SDK2: variants seen among roughly 807,000 people sequenced by gnomAD.
The protein encoded by SDK2 is protein sidekick-2.
SDK2 carries 105 observed loss-of-function variants against 253.9 expected under a neutral mutation model. The observed-to-expected ratio is 0.41, with a 90% CI of 0.35 to 0.49. The LOEUF is 0.49. SDK2 is among the 20% of genes least tolerant of loss of function. The pLI is 0.06. For missense variants in SDK2, 2,608 were observed against 3,003.0 expected (o/e 0.87, Z 3.07); for synonymous variants, 1,249 against 1,234.9 (o/e 1.01, Z -0.24).
intron 2 of SDK2, among the ~76,000 whole-genome samples, chr17:73,505,216 G>C (rs2063925526): frequency 6.6e-6 from 1 of 152,164 alleles, no homozygotes; most frequent in African/African-American, 2.4e-5. Context: ...TTCAATGAGA[G>C]GCAGTGTGGT....
At position 73,500,850 on chromosome 17, in the gene SDK2, CTCCATTCTCCTCCA is replaced by C. The variant is rs796633267; in HGVS notation, c.224+6574_224+6587del. 3.6e-4 allele frequency among the ~76,000 whole-genome samples: 54 copies of C among 149,498 alleles called. No individual in the cohort carries two copies. In the South Asian group the frequency reaches 0.011, roughly 29 times the overall value. ...GTTCTCCATCCTCTGTCTATCCTCC[CTCCATTCTCCTCCA>C]TCCTCCATCCATCCTCCCTCCATCT... On this transcript the variant is annotated intron_variant, in intron 2 of 44. Transcript: ENST00000392650.
At chr17:73,591,627 A>T (rs1194623403) in intron 1 of SDK2, among the ~76,000 whole-genome samples, 3 of 152,174 alleles carry the variant, frequency 2.0e-5, no homozygotes, top group Non-Finnish European at 4.4e-5. Context: ...TGTTTATCTG[A>T]GGTCCAAATT....
intron 1 of SDK2, among the ~76,000 whole-genome samples, chr17:73,578,605 G>C (rs1166576642): frequency 1.3e-5 from 2 of 152,166 alleles, no homozygotes; most frequent in African/African-American, 4.8e-5. Context: ...TGGTTCTGCA[G>C]ACCAGGCCTG....
chr17:73,643,961 G>GCCCCCCCCCCCCCCC lies in SDK2; in HGVS notation c.64+63_64+64insGGGGGGGGGGGGGGG. 1 of 514,830 alleles carries GCCCCCCCCCCCCCCC rather than the reference G, an allele frequency of 1.9e-6. No individual in the cohort carries two copies. Among genetic ancestry groups the GCCCCCCCCCCCCCCC allele is most frequent in the Non-Finnish European group, 3.8e-6 (1 of 262,946 alleles). 31.9% of individuals were successfully genotyped at this position (514,830 alleles called of 1,614,324 possible). On this transcript the variant is annotated intron_variant, in intron 1 of 44. Coordinates refer to ENST00000392650, the MANE Select transcript of SDK2 (RefSeq NM_001144952.2). The surrounding 1 kb of genome is among the most constrained non-coding windows in gnomAD (Gnocchi z 6.9). Reference sequence around the variant, plus strand: ...GTCACCGTGAGGCCGGCCAGCTCCCGCCGCCCCTCCCCCGCCCACTCTCCC... The same window carrying GCCCCCCCCCCCCCCC: ...GTCACCGTGAGGCCGGCCAGCTCCCGCCCCCCCCCCCCCCCCCGCCCCTCCCCCGCCCACTCTCCC...
intron 12 of SDK2, among the ~76,000 whole-genome samples, chr17:73,428,379 A>G (rs972854418): frequency 3.9e-5 from 6 of 151,934 alleles, no homozygotes; most frequent in Non-Finnish European, 5.9e-5. Flanking sequence ...GTTTTTTTCT[A>G]GAACTATTTT....
At position 73,534,556 on chromosome 17, in the gene SDK2, G is replaced by A. The variant is rs2064198623; in HGVS notation, c.65-26959C>T. ...AGTAAAGTCACAAAAGGGAGGGATG[G>A]GAAGATGCACAGAGGCAGAGCGCGA... is the stretch of plus-strand genomic sequence containing the variant. On this transcript the variant is annotated intron_variant, in intron 1 of 44. Transcript: ENST00000392650. The surrounding 1 kb of genome is among the most constrained non-coding windows in gnomAD (Gnocchi z 4.9). Among the ~76,000 whole-genome samples, 1 of 152,164 alleles carries A rather than the reference G, an allele frequency of 6.6e-6. No homozygotes were observed. The highest frequency in any genetic ancestry group is 6.5e-5 in the Admixed American group (1 of 15,282).
rs376597566 is a variant in SDK2, at chr17:73,594,957, G to A, written c.64+49068C>T. ...ACACGTGCACACACACATACAACAGGCCTCACTACCTGCCTGCTTCACTCC... is the reference window on the plus strand; with the variant it reads ...ACACGTGCACACACACATACAACAGACCTCACTACCTGCCTGCTTCACTCC... On this transcript the variant is annotated intron_variant, in intron 1 of 44. Coordinates refer to ENST00000392650, the MANE Select transcript of SDK2 (RefSeq NM_001144952.2). Among the ~76,000 whole-genome samples the A allele has an allele frequency of 1.6e-4, 24 of 152,102 alleles. 1 individual carries two copies. In the South Asian group the frequency reaches 4.8e-3, roughly 30 times the overall value.
At chr17:73,578,949 C>G (rs1317413229) in intron 1 of SDK2, among the ~76,000 whole-genome samples, 2 of 152,160 alleles carry the variant, frequency 1.3e-5, no homozygotes, top group Non-Finnish European at 2.9e-5. Flanking sequence ...ACCAAGCTCC[C>G]CACATCACCA....
intron 33 of SDK2, among the ~76,000 whole-genome samples, chr17:73,382,455 A>C (rs2062838770): frequency 1.3e-5 from 2 of 152,184 alleles, no homozygotes; most frequent in Non-Finnish European, 2.9e-5. Flanking sequence ...GAACGCAAGC[A>C]CTTCAGACCC....
Position 73,481,790 on chromosome 17 carries a change from T to C in SDK2, c.225-9572A>G, listed in dbSNP as rs2063726195. Among the ~76,000 whole-genome samples, 1 of 152,180 alleles carries C rather than the reference T, an allele frequency of 6.6e-6. No individual in the cohort carries two copies. Among genetic ancestry groups the C allele is most frequent in the South Asian group, 2.1e-4 (1 of 4,812 alleles). On this transcript the variant is annotated intron_variant, in intron 2 of 44. Transcript: ENST00000392650. This position sits in a 1 kb window ranked among gnomAD's most constrained non-coding sequence, Gnocchi z 4.5. ...GACTTACACCCATGGGCTCTCGGTT[T>C]CCAGGCCTTTGGGCCCAGACTGAAT... is the stretch of plus-strand genomic sequence containing the variant.
chr17:73,573,094 C>A (rs1467677355), intron 1 of SDK2, among the ~76,000 whole-genome samples: 5 of 152,188 alleles, frequency 3.3e-5, no homozygotes, highest in African/African-American at 7.2e-5. Flanking sequence ...AGGCTGATGA[C>A]CTGCTCATAT....
intron 18 of SDK2, among the ~76,000 whole-genome samples, chr17:73,411,455 C>T (rs2063125004): frequency 6.6e-6 from 1 of 152,170 alleles, no homozygotes; most frequent in South Asian, 2.1e-4. Context: ...GACTGAAGCT[C>T]AGGGCCTGCA....
At chr17:73,464,553 C>T (rs1044355219) in intron 3 of SDK2, among the ~76,000 whole-genome samples, 1 of 152,246 alleles carries the variant, frequency 6.6e-6, no homozygotes, top group South Asian at 2.1e-4. Flanking sequence ...ATGCCGGGAT[C>T]TGTCCCCAAG....
intron 22 of SDK2, among the ~76,000 whole-genome samples, chr17:73,398,715 T>G (rs1039195870): frequency 3.9e-5 from 6 of 152,190 alleles, no homozygotes; most frequent in Non-Finnish European, 7.3e-5. Flanking sequence ...ATCCCTCGAG[T>G]GCTGCCCAGG....
chr17:73,382,156 G>T (rs767365640), intron 33 of SDK2, among the ~76,000 whole-genome samples: 1 of 151,068 alleles, frequency 6.6e-6, no homozygotes, highest in Non-Finnish European at 1.5e-5. Context: ...GGCGGAGGTT[G>T]CAGTGAGCTA....
chr17:73,563,410 C>T lies in SDK2; in HGVS notation c.65-55813G>A, dbSNP rs1201713844. On this transcript the variant is annotated intron_variant, in intron 1 of 44. Coordinates refer to ENST00000392650, the MANE Select transcript of SDK2 (RefSeq NM_001144952.2). Reference sequence around the variant, plus strand: ...GCAACACAGTGAGACCCCACCTCTACAAAAAATAAGATAAAAAATTAGCTG... The same window carrying T: ...GCAACACAGTGAGACCCCACCTCTATAAAAAATAAGATAAAAAATTAGCTG... 3.9e-5 allele frequency among the ~76,000 whole-genome samples: 6 copies of T among 152,146 alleles called. No individual in the cohort carries two copies. In the East Asian group the frequency reaches 1.2e-3, roughly 29 times the overall value.
intron 1 of SDK2, among the ~76,000 whole-genome samples, chr17:73,535,803 C>T (rs2044762676): frequency 6.6e-6 from 1 of 152,090 alleles, no homozygotes; most frequent in Non-Finnish European, 1.5e-5. Flanking sequence ...TGATTAGGAA[C>T]CTGGGTGAGG....
chr17:73,447,632 A>C lies in SDK2; in HGVS notation c.596T>G (p.Ile199Ser). 1 of 1,551,876 alleles carries C rather than the reference A, an allele frequency of 6.4e-7. No individual in the cohort carries two copies. Among genetic ancestry groups the C allele is most frequent in the East Asian group, 2.4e-5 (1 of 40,910 alleles). Residue 199 changes from isoleucine (I) to serine (S), a missense_variant, in exon 5 of 45, where the codon ATC becomes AGC. By Grantham distance (142) the Ile-to-Ser change is moderately radical. Around this residue, in one of 2 missense-constraint regions of SDK2, gnomAD observed 1,505 missense variants for 1,859.1 expected, o/e 0.81. Transcript: ENST00000392650. This position sits in a 1 kb window ranked among gnomAD's most constrained non-coding sequence, Gnocchi z 4.0. Reference protein sequence around the residue: ...KNGDNKTSQPITLTVENVGGP... With the variant: ...KNGDNKTSQPSTLTVENVGGP... The stretch of plus-strand genomic sequence containing the variant: ...GTACTTACTCTCCACGGTGAGCGTG[A>C]TGGGCTGGCTGGTCTTGTTATCCCC...
chr17:73,564,310 T>C (rs1380811580), intron 1 of SDK2, among the ~76,000 whole-genome samples: 22 of 152,242 alleles, frequency 1.4e-4, no homozygotes, highest in Admixed American at 1.4e-3. Context: ...AGAATACTTC[T>C]ATCACTACAG....
Sources: gnomAD v4.1 joint callset for allele counts (sites outside exome capture counted in the v4.1 genomes callset) on GRCh38, gnomAD v4.1.1 for gene constraint, gnomAD v4.1.1 regional missense constraint, Gnocchi (gnomAD v3.1) non-coding constraint, MANE v1.5 for transcripts, NCBI Gene and HGNC (gene_info 2026-07-23, HGNC 2026-07-21) for gene names.